SLC71A2: variants seen among roughly 807,000 people sequenced by gnomAD.
The protein encoded by SLC71A2 is hippocampus abundant transcript-like 1.
chr9:94,425,631 C>A, the SLC71A2 span, among the ~76,000 whole-genome samples: 1 of 152,026 alleles, frequency 6.6e-6, no homozygotes, highest in African/African-American at 2.4e-5. Flanking sequence ...CAAAATATCT[C>A]AAGCAGTGAT....
the SLC71A2 span, among the ~76,000 whole-genome samples, chr9:94,411,153 C>G: frequency 1.3e-5 from 2 of 149,520 alleles, no homozygotes; most frequent in African/African-American, 4.9e-5. Context: ...GTTAATGAGA[C>G]TGTAAGTTCT....
At chr9:94,454,486 G>C in the SLC71A2 span, among the ~76,000 whole-genome samples, 3 of 151,490 alleles carry the variant, frequency 2.0e-5, no homozygotes, top group East Asian at 1.9e-4. Flanking sequence ...TCCTGCCTCA[G>C]GCTCCTGAGT....
the SLC71A2 span, among the ~76,000 whole-genome samples, chr9:94,400,832 A>G: frequency 6.6e-6 from 1 of 152,082 alleles, no homozygotes; most frequent in African/African-American, 2.4e-5. Context: ...CATACAGAAC[A>G]ATTTTACTAC....
chr9:94,454,131 G>A, the SLC71A2 span: 1 of 1,182,374 alleles, frequency 8.5e-7, no homozygotes. Context: ...AGGAGCTTGG[G>A]GTGGTTGGGT....
chr9:94,453,972 C>T, the SLC71A2 span: 10 of 1,612,784 alleles, frequency 6.2e-6, no homozygotes, highest in Non-Finnish European at 7.6e-6. Context: ...CCTTTCTTAG[C>T]ATCTTGATGA....
the SLC71A2 span, among the ~76,000 whole-genome samples, chr9:94,426,077 C>T: frequency 1.4e-5 from 2 of 144,310 alleles, no homozygotes; most frequent in African/African-American, 5.2e-5. Flanking sequence ...GGTTATAGGC[C>T]CTCTTGCTCT....
the SLC71A2 span, among the ~76,000 whole-genome samples, chr9:94,417,690 G>A: frequency 6.6e-6 from 1 of 152,142 alleles, no homozygotes; most frequent in Non-Finnish European, 1.5e-5. Context: ...ATGTGTGTAG[G>A]TGTGAATGTC....
the SLC71A2 span, among the ~76,000 whole-genome samples, chr9:94,382,172 A>G: frequency 0.48 from 72,793 of 150,602 alleles, 17,866 homozygotes; most frequent in East Asian, 0.59. Flanking sequence ...GACTACAGGC[A>G]TATGCCACCA....
chr9:94,407,724 A>T, the SLC71A2 span, among the ~76,000 whole-genome samples: 2 of 151,474 alleles, frequency 1.3e-5, no homozygotes, highest in African/African-American at 2.4e-5. Flanking sequence ...AGAGTATGGC[A>T]GTACTCCCTG....
At chr9:94,400,997 T>TA in the SLC71A2 span, among the ~76,000 whole-genome samples, 1 of 152,226 alleles carries the variant, frequency 6.6e-6, no homozygotes, top group African/African-American at 2.4e-5. Flanking sequence ...CATTTAGCAA[T>TA]ATGCATTTCA....
chr9:94,455,181 T>TTTTTTTTTTTTTTA, the SLC71A2 span, among the ~76,000 whole-genome samples: 1 of 67,294 alleles, frequency 1.5e-5, no homozygotes, highest in Non-Finnish European at 2.5e-5. Context: ...TTTTTTTTTT[T>TTTTTTTTTTTTTTA]GAGAGAGAGA....
chr9:94,414,851 G>A, the SLC71A2 span, among the ~76,000 whole-genome samples: 39 of 151,986 alleles, frequency 2.6e-4, no homozygotes, highest in African/African-American at 8.4e-4. Flanking sequence ...GTAGAGGTGG[G>A]GTTTCACTAT....
At chr9:94,389,224 G>A in the SLC71A2 span, among the ~76,000 whole-genome samples, 1 of 150,952 alleles carries the variant, frequency 6.6e-6, no homozygotes, top group African/African-American at 2.4e-5. Context: ...TCATAAGTAG[G>A]GTGATCAGAC....
chr9:94,404,521 C>T, the SLC71A2 span, among the ~76,000 whole-genome samples: 1 of 152,100 alleles, frequency 6.6e-6, no homozygotes, highest in African/African-American at 2.4e-5. Flanking sequence ...GTTTCAAATT[C>T]CTGATCTCAA....
At chr9:94,414,904 C>T in the SLC71A2 span, among the ~76,000 whole-genome samples, 2 of 152,056 alleles carry the variant, frequency 1.3e-5, no homozygotes, top group African/African-American at 4.8e-5. Context: ...GTGATCTGCC[C>T]GCCTTGGCCT....
chr9:94,392,948 A>G, the SLC71A2 span, among the ~76,000 whole-genome samples: 3 of 152,042 alleles, frequency 2.0e-5, no homozygotes, highest in African/African-American at 7.2e-5. Flanking sequence ...TCTAAAAATT[A>G]TCTCATGAAA....
chr9:94,415,151 T>C, the SLC71A2 span: 13 of 1,605,408 alleles, frequency 8.1e-6, no homozygotes, highest in South Asian at 8.9e-5. Context: ...ATAACTTTCT[T>C]TTTTAGCTAC....
chr9:94,402,472 A>C, the SLC71A2 span, among the ~76,000 whole-genome samples: 1 of 152,134 alleles, frequency 6.6e-6, no homozygotes, highest in African/African-American at 2.4e-5. Context: ...CATCTCCCCC[A>C]AAAGAGTCCC....
chr9:94,382,151 C>T, the SLC71A2 span, among the ~76,000 whole-genome samples: 1 of 151,728 alleles, frequency 6.6e-6, no homozygotes, highest in Non-Finnish European at 1.5e-5. Flanking sequence ...CTCAGCCTCT[C>T]GAGTAACTGG....
Sources: allele counts gnomAD v4.1 joint callset (sites outside exome capture counted in the v4.1 genomes callset), GRCh38; gene constraint gnomAD v4.1.1; transcripts MANE v1.5; gene names NCBI Gene and HGNC (gene_info 2026-07-23, HGNC 2026-07-21).